The following MAPK10 variants were observed in gnomAD, a reference collection of about 807,000 sequenced individuals.
MAPK10 encodes JNK3 alpha protein kinase.
MAPK10 carries 25 observed loss-of-function variants against 59.3 expected under a neutral mutation model. The ratio of observed to expected loss-of-function variants is 0.42; its 90% CI spans 0.31 to 0.59. MAPK10 has a LOEUF of 0.59. Among genes scored for constraint, MAPK10 ranks in the 20% least tolerant of loss-of-function variants. The probability of loss-of-function intolerance (pLI) is 0.15; values close to 1 mark genes in which losing one functional copy is unlikely to be tolerated. For synonymous variants in MAPK10, 190 were observed against 200.5 expected (o/e 0.95, Z 0.44); for missense variants, 351 against 568.9 (o/e 0.62, Z 3.90).
At chr4:86,533,237 G>A (rs952544830) in intron 1 of MAPK10, among the ~76,000 whole-genome samples, 5 of 152,090 alleles carry the variant, frequency 3.3e-5, no homozygotes, top group African/African-American at 7.2e-5. Flanking sequence ...CACTGGTTAC[G>A]AGGGGTAAAA....
chr4:86,262,530 G>T (rs947935080), intron 2 of MAPK10, among the ~76,000 whole-genome samples: 1 of 152,102 alleles, frequency 6.6e-6, no homozygotes, highest in Non-Finnish European at 1.5e-5. Context: ...GGAGGTTTCT[G>T]GTTGCCTTTT....
chr4:86,168,921 C>T (rs6851183), intron 3 of MAPK10, among the ~76,000 whole-genome samples: 12,889 of 152,094 alleles, frequency 0.085, 1,214 homozygotes, highest in African/African-American at 0.23. Context: ...TCCACTGTTC[C>T]GAAGCCATCC....
intron 1 of MAPK10, among the ~76,000 whole-genome samples, chr4:86,501,863 C>A (rs1238139323): frequency 1.3e-5 from 2 of 151,998 alleles, no homozygotes; most frequent in African/African-American, 4.8e-5. Flanking sequence ...AATTTGAGAA[C>A]TTGTGGTTTA....
chr4:86,428,613 T>C (rs946574857), intron 1 of MAPK10, among the ~76,000 whole-genome samples: 1 of 152,076 alleles, frequency 6.6e-6, no homozygotes, highest in Non-Finnish European at 1.5e-5. Flanking sequence ...ACTTTTCTCA[T>C]TTTTTGACTG....
chr4:86,316,129 A>C (rs1435872663), intron 2 of MAPK10, among the ~76,000 whole-genome samples: 2 of 152,134 alleles, frequency 1.3e-5, no homozygotes, highest in Non-Finnish European at 2.9e-5. Flanking sequence ...TGAAATTTTC[A>C]TTCCTCCAGA....
chr4:86,223,074 A>C (rs1181639771), intron 2 of MAPK10, among the ~76,000 whole-genome samples: 1 of 152,216 alleles, frequency 6.6e-6, no homozygotes, highest in Non-Finnish European at 1.5e-5. Context: ...CCACATGCTC[A>C]ACATCTTTTA....
chr4:86,498,786 T>A (rs1755084782), intron 1 of MAPK10, among the ~76,000 whole-genome samples: 1 of 152,178 alleles, frequency 6.6e-6, no homozygotes, highest in African/African-American at 2.4e-5. Context: ...TCGCCAAACA[T>A]CATTTATAGC....
At chr4:86,591,094 AT>A (rs1378815425) in intron 1 of MAPK10, among the ~76,000 whole-genome samples, 1 of 151,716 alleles carries the variant, frequency 6.6e-6, no homozygotes, top group African/African-American at 2.4e-5. Context: ...GTATGTATTT[AT>A]TTTTTTTAAA....
intron 1 of MAPK10, among the ~76,000 whole-genome samples, chr4:86,404,962 T>C (rs1166597262): frequency 6.6e-6 from 1 of 152,232 alleles, no homozygotes; most frequent in East Asian, 1.9e-4. Flanking sequence ...TATTATCTAC[T>C]TCACAGAATG....
At chr4:86,348,817 C>T (rs977171687) in intron 2 of MAPK10, among the ~76,000 whole-genome samples, 4 of 152,028 alleles carry the variant, frequency 2.6e-5, no homozygotes, top group African/African-American at 9.7e-5. Context: ...TGGTAAGTTG[C>T]ACTCTCTTTC....
intron 9 of MAPK10, among the ~76,000 whole-genome samples, chr4:86,093,726 A>T (rs2149055776): frequency 6.6e-6 from 1 of 151,938 alleles, no homozygotes; most frequent in Admixed American, 6.6e-5. Context: ...TACCTATTAA[A>T]CTTGCTTTTA....
chr4:86,327,581 G>A (rs2096056829), intron 2 of MAPK10: 1 of 151,292 alleles, frequency 6.6e-6, no homozygotes, highest in Non-Finnish European at 1.5e-5. Context: ...TCTTTGAAGG[G>A]CAACATTATT....
chr4:86,140,464 A>AT (rs1267845429), intron 4 of MAPK10, among the ~76,000 whole-genome samples: 1 of 141,226 alleles, frequency 7.1e-6, no homozygotes. Flanking sequence ...GTTCTCACTC[A>AT]TGGGTGGGAA....
chr4:86,388,381 TA>T (rs2149006825), intron 1 of MAPK10, among the ~76,000 whole-genome samples: 1 of 152,324 alleles, frequency 6.6e-6, no homozygotes, highest in South Asian at 2.1e-4. Context: ...CATATAACTC[TA>T]AAATTAATAA....
intron 1 of MAPK10, among the ~76,000 whole-genome samples, chr4:86,484,449 C>T (rs1753837498): frequency 6.6e-6 from 1 of 152,140 alleles, no homozygotes; most frequent in South Asian, 2.1e-4. Flanking sequence ...GTGTGGTTAA[C>T]AGCAGGTGTT....
intron 11 of MAPK10, among the ~76,000 whole-genome samples, chr4:86,032,991 C>T (rs1239253886): frequency 6.6e-6 from 1 of 152,042 alleles, no homozygotes; most frequent in African/African-American, 2.4e-5. Flanking sequence ...ACTCTCACAC[C>T]ACCCCAGACA....
At chr4:86,172,959 A>C (rs1311027247) in intron 3 of MAPK10, among the ~76,000 whole-genome samples, 1 of 151,808 alleles carries the variant, frequency 6.6e-6, no homozygotes, top group African/African-American at 2.4e-5. Flanking sequence ...TGTTCAAAGA[A>C]ATAAGAGACA....
chr4:86,171,861 G>A (rs201901456), intron 3 of MAPK10, among the ~76,000 whole-genome samples: 26,127 of 149,536 alleles, frequency 0.17, 2,515 homozygotes, highest in African/African-American at 0.3. Flanking sequence ...AATCTACAAT[G>A]AACTCAAACA....
chr4:86,474,553 A>G (rs1438901161), intron 1 of MAPK10, among the ~76,000 whole-genome samples: 1 of 152,214 alleles, frequency 6.6e-6, no homozygotes, highest in African/African-American at 2.4e-5. Flanking sequence ...ACACTGAGAA[A>G]ATTTTCACAC....
Sources: allele counts gnomAD v4.1 joint callset (sites outside exome capture counted in the v4.1 genomes callset), GRCh38; gene constraint gnomAD v4.1.1; transcripts MANE v1.5; gene names NCBI Gene and HGNC (gene_info 2026-07-23, HGNC 2026-07-21).